SPAM1: variants seen among roughly 807,000 people sequenced by gnomAD.
SPAM1 encodes sperm adhesion molecule 1, also known as hyaluronidase PH-20.
A neutral mutation model predicts 29.6 loss-of-function variants in SPAM1; 22 were observed. The ratio of observed to expected loss-of-function variants is 0.74; its 90% CI spans 0.53 to 1.06. The LOEUF (loss-of-function observed/expected upper bound fraction) is 1.06. Ranked by LOEUF, SPAM1 falls within the 50% of genes least tolerant of loss-of-function variation. The pLI, the probability that SPAM1 is intolerant of heterozygous loss-of-function variation, is 0.00. For missense variants in SPAM1, 534 were observed against 604.0 expected (o/e 0.88, Z 1.21); for synonymous variants, 194 against 204.6 (o/e 0.95, Z 0.44).
At chr7:123,937,549 C>G (rs993454151) in intron 1 of SPAM1, among the ~76,000 whole-genome samples, 23 of 141,608 alleles carry the variant, frequency 1.6e-4, no homozygotes, top group Admixed American at 5.4e-4. Context: ...TGCAGTGAGC[C>G]GAGATCGCGC....
chr7:123,952,783 G>A (rs1563028614), intron 2 of SPAM1, among the ~76,000 whole-genome samples: 1 of 151,812 alleles, frequency 6.6e-6, no homozygotes, highest in Non-Finnish European at 1.5e-5. Context: ...TGATCGAGCA[G>A]CGTACCAAGG....
At position 123,959,730 on chromosome 7, in the gene SPAM1, GA is replaced by G; in HGVS notation, c.1296del (p.Lys432AsnfsTer10). ...ACTTGAAGACCTGGAGCAATTTTCT[GA>G]AAAATTTTATTGCAGCTGTTATAGC... ...PTLEDLEQFS[E>X]KFYCSCYSTL... is the part of the protein sequence containing the mutation. On this transcript the variant is annotated frameshift_variant, in exon 5 of 5. Transcript: ENST00000682466. LOFTEE classifies it low-confidence loss of function (END_TRUNC). The G allele has an allele frequency of 6.2e-7, 1 of 1,613,284 alleles. No individual in the cohort carries two copies.
In SPAM1 at chr7:123,954,319, G is replaced by T. The variant is rs1792193756; in HGVS notation, c.749G>T (p.Ser250Ile). Residue 250 changes from serine (S) to isoleucine (I), a missense_variant, in exon 3 of 5, where the codon AGC becomes ATC. Coordinates refer to ENST00000682466, the MANE Select transcript of SPAM1 (RefSeq NM_153189.3). ...NVEIKRNDDL[S>I]WLWNESTALY... ...GAAATAAAAAGAAATGATGATCTCA[G>T]CTGGTTGTGGAATGAAAGCACTGCT... is the stretch of plus-strand genomic sequence containing the variant. 1.9e-6 allele frequency: 3 copies of T among 1,612,974 alleles called. No homozygotes were observed. The highest frequency in any genetic ancestry group is 2.5e-6 in the Non-Finnish European group (3 of 1,179,468).
chr7:123,930,787 CTGCTCCCATTTG>C (rs1341068111), intron 1 of SPAM1, among the ~76,000 whole-genome samples: 5 of 152,158 alleles, frequency 3.3e-5, no homozygotes, highest in Non-Finnish European at 7.4e-5. Context: ...GACGGGAGAA[CTGCTCCCATTTG>C]TAAAAAGCAT....
intron 5 of SPAM1, among the ~76,000 whole-genome samples, chr7:123,965,105 C>G: frequency 6.6e-6 from 1 of 152,058 alleles, no homozygotes; most frequent in East Asian, 1.9e-4. Flanking sequence ...AGATAAGTGA[C>G]TTGCCCTGGG....
At chr7:123,946,196 G>A (rs916391288) in intron 1 of SPAM1, among the ~76,000 whole-genome samples, 1 of 152,188 alleles carries the variant, frequency 6.6e-6, no homozygotes, top group Non-Finnish European at 1.5e-5. Context: ...TGTCATGAAA[G>A]CAGAAAAACT....
chr7:123,964,146 A>C (rs186230983), downstream of SPAM1, among the ~76,000 whole-genome samples: 4 of 152,014 alleles, frequency 2.6e-5, no homozygotes, highest in African/African-American at 9.6e-5. Flanking sequence ...TAAAAATACT[A>C]TATTAGATGT....
downstream of SPAM1, chr7:123,960,084 C>A (rs746429803): frequency 2.1e-6 from 3 of 1,412,584 alleles, no homozygotes; most frequent in Non-Finnish European, 2.8e-6. Context: ...AAAGTTCTTT[C>A]TGAATAACTA....
At chr7:123,938,954 A>T (rs1367647111) in intron 1 of SPAM1, among the ~76,000 whole-genome samples, 1 of 151,844 alleles carries the variant, frequency 6.6e-6, no homozygotes, top group Non-Finnish European at 1.5e-5. Flanking sequence ...TTATAGTGGG[A>T]TGTTGGATTG....
intron 1 of SPAM1, among the ~76,000 whole-genome samples, chr7:123,936,023 A>T (rs747495940): frequency 2.6e-5 from 4 of 152,176 alleles, no homozygotes; most frequent in South Asian, 2.1e-4. Context: ...CTTACTTAAT[A>T]TCATTTTCTT....
At chr7:123,944,658 A>C (rs1808519428) in intron 1 of SPAM1, among the ~76,000 whole-genome samples, 2 of 152,200 alleles carry the variant, frequency 1.3e-5, no homozygotes, top group African/African-American at 4.8e-5. Context: ...CCAAGAGCAC[A>C]GAATATTATG....
intron 1 of SPAM1, among the ~76,000 whole-genome samples, chr7:123,930,513 G>A (rs1180202216): frequency 6.6e-6 from 1 of 152,126 alleles, no homozygotes; most frequent in Non-Finnish European, 1.5e-5. Flanking sequence ...CACATGAAAA[G>A]ACTCTCATTT....
At chr7:123,960,187 G>A (rs1792341068), downstream of SPAM1, 1 of 575,844 alleles carries the variant, frequency 1.7e-6, no homozygotes, top group South Asian at 3.6e-5. Flanking sequence ...TATTCCAGGA[G>A]TCAATAGCTT....
chr7:123,964,737 A>G (rs1792400569), downstream of SPAM1, among the ~76,000 whole-genome samples: 1 of 151,970 alleles, frequency 6.6e-6, no homozygotes, highest in South Asian at 2.1e-4. Context: ...AGGTAAAGAC[A>G]TTTCTGGGTT....
At chr7:123,947,376 C>A (rs1808610586) in intron 1 of SPAM1, among the ~76,000 whole-genome samples, 1 of 152,062 alleles carries the variant, frequency 6.6e-6, no homozygotes, top group East Asian at 1.9e-4. Flanking sequence ...TAACAAAACC[C>A]CATCTCTATA....
chr7:123,970,803 T>A (rs906578035), intron 6 of SPAM1, among the ~76,000 whole-genome samples: 10 of 152,076 alleles, frequency 6.6e-5, no homozygotes, highest in African/African-American at 2.4e-4. Flanking sequence ...ATTCCATAAT[T>A]TTGTGGTAGC....
intron 1 of SPAM1, among the ~76,000 whole-genome samples, chr7:123,941,729 TG>T (rs1274471744): frequency 1.3e-5 from 2 of 152,216 alleles, no homozygotes; most frequent in African/African-American, 4.8e-5. Flanking sequence ...ACTTTTTCCT[TG>T]GCTTAGTGAT....
chr7:123,930,889 T>C (rs926573290), intron 1 of SPAM1, among the ~76,000 whole-genome samples: 1 of 152,190 alleles, frequency 6.6e-6, no homozygotes, highest in Non-Finnish European at 1.5e-5. Context: ...CTCGATCCCC[T>C]GTATGGCCTA....
chr7:123,939,231 G>A (rs1029617482), intron 1 of SPAM1, among the ~76,000 whole-genome samples: 4 of 151,858 alleles, frequency 2.6e-5, no homozygotes, highest in African/African-American at 9.7e-5. Flanking sequence ...GACTACAGGC[G>A]CCCGCCATCA....
Sources: gnomAD v4.1 joint callset for allele counts (sites outside exome capture counted in the v4.1 genomes callset) on GRCh38, gnomAD v4.1.1 for gene constraint, MANE v1.5 for transcripts, NCBI Gene and HGNC (gene_info 2026-07-23, HGNC 2026-07-21) for gene names.